The following HPSE2 variants were observed in gnomAD, a reference collection of about 807,000 sequenced individuals.
HPSE2 encodes heparanase 2 (inactive), also known as inactive heparanase-2.
In HPSE2, 38 loss-of-function variants were observed where a neutral mutation model predicts 60.5. The ratio of observed to expected loss-of-function variants is 0.63; its 90% CI spans 0.48 to 0.82. The LOEUF (loss-of-function observed/expected upper bound fraction) is 0.82, where lower values mean the gene tolerates loss of function less well. Ranked by LOEUF, HPSE2 falls within the 40% of genes least tolerant of loss-of-function variation. The probability of loss-of-function intolerance (pLI) is 0.00; values close to 1 mark genes in which losing one functional copy is unlikely to be tolerated. For missense variants in HPSE2, 713 were observed against 740.4 expected (o/e 0.96, Z 0.43); for synonymous variants, 295 against 293.2 (o/e 1.01, Z -0.06).
chr10:98,952,933 C>T (rs899635240), intron 3 of HPSE2, among the ~76,000 whole-genome samples: 2 of 152,080 alleles, frequency 1.3e-5, no homozygotes, highest in Non-Finnish European at 2.9e-5. Context: ...GGAGTTAGGG[C>T]TTCAATATAC....
chr10:99,250,454 A>G, the HPSE2 span, among the ~76,000 whole-genome samples: 1 of 152,266 alleles, frequency 6.6e-6, no homozygotes, highest in African/African-American at 2.4e-5. Flanking sequence ...TCATTGAGGC[A>G]CAAATATAAC....
chr10:98,799,425 T>C (rs767980204), intron 3 of HPSE2, among the ~76,000 whole-genome samples: 2 of 152,136 alleles, frequency 1.3e-5, no homozygotes, highest in Non-Finnish European at 1.5e-5. Context: ...ATCTGCGCTA[T>C]AGAACAAATG....
intron 3 of HPSE2, among the ~76,000 whole-genome samples, chr10:99,003,768 A>G (rs78830400): frequency 0.017 from 2,514 of 152,154 alleles, 58 homozygotes; most frequent in African/African-American, 0.057. Context: ...CTCCCATCCT[A>G]TAGGTTCTTT....
At chr10:98,499,503 C>G (rs1941960523) in intron 9 of HPSE2, among the ~76,000 whole-genome samples, 1 of 152,166 alleles carries the variant, frequency 6.6e-6, no homozygotes, top group Admixed American at 6.5e-5. Flanking sequence ...CTAAAAGGAG[C>G]TCTGAACTTT....
chr10:98,630,359 A>G (rs569763445), intron 7 of HPSE2, among the ~76,000 whole-genome samples: 7 of 151,796 alleles, frequency 4.6e-5, no homozygotes, highest in South Asian at 2.1e-4. Context: ...CACCACGCCC[A>G]ACTAATTTTT....
chr10:98,694,035 A>G, intron 5 of HPSE2, 88 bp from the exon 6 acceptor site: 2 of 1,044,490 alleles, frequency 1.9e-6, no homozygotes, highest in Admixed American at 1.7e-5. Flanking sequence ...GACAGATTAG[A>G]CCAATCCTTA....
At chr10:99,154,086 G>A (rs144184937) in intron 2 of HPSE2, among the ~76,000 whole-genome samples, 5 of 148,184 alleles carry the variant, frequency 3.4e-5, no homozygotes, top group Non-Finnish European at 6.0e-5. Context: ...AAGCCTCCAA[G>A]AAATATGAGA....
chr10:98,468,895 G>A (rs372240422), intron 11 of HPSE2, among the ~76,000 whole-genome samples: 1 of 152,244 alleles, frequency 6.6e-6, no homozygotes, highest in East Asian at 1.9e-4. Context: ...ACATTTTGAG[G>A]CTGAGAAGTT....
At chr10:99,227,869 ATGTGTGTGTGTGTG>A (rs34836739) in intron 2 of HPSE2, among the ~76,000 whole-genome samples, 1 of 142,390 alleles carries the variant, frequency 7.0e-6, no homozygotes, top group Non-Finnish European at 1.5e-5. Flanking sequence ...ATGTGTATAT[ATGTGTGTGTGTGTG>A]TGTGTGTGTG....
chr10:99,190,168 C>T (rs898647965), intron 2 of HPSE2, among the ~76,000 whole-genome samples: 4 of 152,166 alleles, frequency 2.6e-5, no homozygotes, highest in Non-Finnish European at 5.9e-5. Context: ...TGTGCTAATA[C>T]TTTACATATA....
intron 9 of HPSE2, among the ~76,000 whole-genome samples, chr10:98,513,506 A>G (rs1228224251): frequency 1.3e-5 from 2 of 152,184 alleles, no homozygotes; most frequent in Non-Finnish European, 2.9e-5. Context: ...GAAGTCCTGG[A>G]GCATGAAGTC....
chr10:98,871,344 T>A (rs1319338964), intron 3 of HPSE2, among the ~76,000 whole-genome samples: 1 of 152,022 alleles, frequency 6.6e-6, no homozygotes, highest in African/African-American at 2.4e-5. Flanking sequence ...CCCAAATGGG[T>A]CCTTACCCTC....
chr10:99,256,943 G>A, the HPSE2 span, among the ~76,000 whole-genome samples: 5 of 152,180 alleles, frequency 3.3e-5, no homozygotes, highest in South Asian at 2.1e-4. Context: ...GCAGAATAAC[G>A]TGGATTGTGA....
intron 3 of HPSE2, among the ~76,000 whole-genome samples, chr10:99,002,699 A>G (rs1956803167): frequency 2.0e-5 from 3 of 152,154 alleles, no homozygotes; most frequent in South Asian, 2.1e-4. Context: ...TGTAAAAACT[A>G]GGTAAATATC....
chr10:98,614,665 A>G (rs1945853178), intron 9 of HPSE2, among the ~76,000 whole-genome samples: 1 of 152,070 alleles, frequency 6.6e-6, no homozygotes, highest in South Asian at 2.1e-4. Flanking sequence ...TACTGCACAT[A>G]CATATGTATG....
intron 4 of HPSE2, among the ~76,000 whole-genome samples, chr10:98,741,834 C>T (rs145863472): frequency 1.3e-5 from 2 of 152,246 alleles, no homozygotes; most frequent in East Asian, 3.9e-4. Context: ...ACCATTATGC[C>T]TAATTGGTCT....
At chr10:98,781,812 C>T (rs1214255828) in intron 3 of HPSE2, among the ~76,000 whole-genome samples, 6 of 151,612 alleles carry the variant, frequency 4.0e-5, no homozygotes, top group Non-Finnish European at 5.9e-5. Flanking sequence ...AAATTTATAT[C>T]GTTGGATCTA....
chr10:98,614,492 C>T (rs1945846172), intron 9 of HPSE2, among the ~76,000 whole-genome samples: 1 of 152,056 alleles, frequency 6.6e-6, no homozygotes. Flanking sequence ...CGGGGTTTCA[C>T]CATGTTAGCC....
In HPSE2 at chr10:99,080,220, CTGTT is replaced by C. The variant is rs528722297; in HGVS notation, c.610+64014_610+64017del. The stretch of plus-strand genomic sequence containing the variant: ...CAATAATGTCTTATTTAAAAAAATT[CTGTT>C]TGAGTTTTAAGTTGTTGGCCTAATA... On this transcript the variant is annotated intron_variant, in intron 3 of 11. Coordinates refer to ENST00000370552, the MANE Select transcript of HPSE2 (RefSeq NM_021828.5). Among the ~76,000 whole-genome samples the C allele has an allele frequency of 7.6e-3, 1,164 of 152,218 alleles. 15 individuals carry two copies. The highest frequency in any genetic ancestry group is 0.027 in the African/African-American group (1,117 of 41,532).
Sources: gnomAD v4.1 joint callset for allele counts (sites outside exome capture counted in the v4.1 genomes callset) on GRCh38, gnomAD v4.1.1 for gene constraint, MANE v1.5 for transcripts, NCBI Gene and HGNC (gene_info 2026-07-23, HGNC 2026-07-21) for gene names.